The following CAMK1D variants were observed in gnomAD, a reference collection of about 807,000 sequenced individuals.
The protein encoded by CAMK1D is calcium/calmodulin dependent protein kinase ID.
A neutral mutation model predicts 47.7 loss-of-function variants in CAMK1D; 9 were observed. The ratio of observed to expected loss-of-function variants is 0.19; its 90% CI spans 0.11 to 0.33. The LOEUF is 0.33. Ranked by LOEUF, CAMK1D falls within the 10% of genes least tolerant of loss-of-function variation. The pLI is 1.00. For synonymous variants in CAMK1D, 184 were observed against 184.9 expected (o/e 0.99, Z 0.04); for missense variants, 291 against 488.7 (o/e 0.60, Z 3.81).
chr10:12,563,297 T>A (rs1475201013), intron 2 of CAMK1D, among the ~76,000 whole-genome samples: 1 of 152,098 alleles, frequency 6.6e-6, no homozygotes, highest in East Asian at 1.9e-4. Flanking sequence ...GAGGCTGCAG[T>A]GAGCTGTGAT....
At chr10:12,826,184 T>G (rs1019780993) in intron 10 of CAMK1D, 3 of 156,052 alleles carry the variant, frequency 1.9e-5, no homozygotes, top group African/African-American at 7.2e-5. Context: ...CCCTAGGTAT[T>G]GCTATTTCCA....
At chr10:12,618,176 A>G (rs778533050) in intron 2 of CAMK1D, among the ~76,000 whole-genome samples, 4 of 151,998 alleles carry the variant, frequency 2.6e-5, no homozygotes, top group African/African-American at 9.7e-5. Context: ...CTCATTTCCT[A>G]TTCCTGCCTC....
rs150583074 is a variant in CAMK1D, at chr10:12,367,050, G to A, written c.92+17140G>A. Among the ~76,000 whole-genome samples the A allele has an allele frequency of 3.8e-3, 572 of 152,170 alleles. 5 individuals are homozygous for A. Among genetic ancestry groups the A allele is most frequent in the African/African-American group, 0.013 (543 of 41,488 alleles). On this transcript the variant is annotated intron_variant, in intron 1 of 10. Transcript: ENST00000619168. The stretch of plus-strand genomic sequence containing the variant: ...TAAACACATCCCCAGAATCAGCAGC[G>A]GGACAGATCCTGTCGCCAAGATGAG...
intron 2 of CAMK1D, among the ~76,000 whole-genome samples, chr10:12,666,479 A>G (rs905086100): frequency 2.0e-5 from 3 of 152,212 alleles, no homozygotes; most frequent in Non-Finnish European, 4.4e-5. Context: ...TGGGATTCAC[A>G]TGAAGCAACA....
rs1588471838 is a variant in CAMK1D at position 12,425,303 on chromosome 10, A to G, written c.92+75393A>G. On this transcript the variant is annotated intron_variant, in intron 1 of 10. Transcript: ENST00000619168. ...TTCTTTCTTTTTTTTTTTTTTTGAG[A>G]CAGAGTCTTGCTCTGTCCCCCAGGC... 7.2e-5 allele frequency among the ~76,000 whole-genome samples: 8 copies of G among 111,880 alleles called. No homozygotes were observed. The South Asian group carries it at 2.2e-3, about 30-fold the overall frequency. The allele number at this position is 111,880 out of a possible 152,430, so 73.4% of individuals were successfully genotyped here.
chr10:12,641,757 C>T (rs747331304), intron 2 of CAMK1D, among the ~76,000 whole-genome samples: 17 of 152,012 alleles, frequency 1.1e-4, no homozygotes, highest in African/African-American at 2.7e-4. Context: ...AAGAAAAGGA[C>T]GCAGTGGGCA....
chr10:12,631,434 T>A (rs1839376254), intron 2 of CAMK1D, among the ~76,000 whole-genome samples: 1 of 152,228 alleles, frequency 6.6e-6, no homozygotes, highest in Non-Finnish European at 1.5e-5. Flanking sequence ...AACTTCCCTT[T>A]CTTTCTTTGT....
intron 6 of CAMK1D, among the ~76,000 whole-genome samples, chr10:12,802,616 G>C (rs1434738565): frequency 6.6e-6 from 1 of 152,150 alleles, no homozygotes; most frequent in Non-Finnish European, 1.5e-5. Context: ...CGCCTCCTGG[G>C]TTCAAGCAAT....
chr10:12,497,283 C>A (rs1376568869), intron 1 of CAMK1D, among the ~76,000 whole-genome samples: 2 of 151,950 alleles, frequency 1.3e-5, no homozygotes, highest in Non-Finnish European at 2.9e-5. Context: ...TTGAGACCTT[C>A]CTGGCCACCA....
At chr10:12,601,613 G>A (rs543122490) in intron 2 of CAMK1D, among the ~76,000 whole-genome samples, 107 of 152,198 alleles carry the variant, frequency 7.0e-4, no homozygotes, top group Admixed American at 1.4e-3. Context: ...ACAGGCACCC[G>A]CCACCACGTC....
intron 3 of CAMK1D, among the ~76,000 whole-genome samples, chr10:12,717,877 G>C (rs1385835426): frequency 7.4e-6 from 1 of 135,240 alleles, no homozygotes; most frequent in Non-Finnish European, 1.5e-5. Context: ...CTGGGCAACA[G>C]AGTGAGACCC....
chr10:12,529,875 T>C (rs1268279362), intron 1 of CAMK1D, among the ~76,000 whole-genome samples: 8 of 152,172 alleles, frequency 5.3e-5, no homozygotes, highest in Non-Finnish European at 1.5e-5. Flanking sequence ...TTGGCAAGAA[T>C]AGTTAAGAAG....
Position 12,784,176 on chromosome 10 carries a change from C to T in CAMK1D, c.566-6982C>T, listed in dbSNP as rs374223783. ...CCTTTGCCCCTAAACCTGGTAGACCCGAACTTCCTTGGAGAAAAGGTATTT... is the reference window on the plus strand; with the variant it reads ...CCTTTGCCCCTAAACCTGGTAGACCTGAACTTCCTTGGAGAAAAGGTATTT... On this transcript the variant is annotated intron_variant, in intron 5 of 10. Coordinates refer to ENST00000619168, the MANE Select transcript of CAMK1D (RefSeq NM_153498.4). Among the ~76,000 whole-genome samples, 114 of 150,944 alleles carry T rather than the reference C, an allele frequency of 7.6e-4. 2 individuals carry two copies. Among genetic ancestry groups the T allele is most frequent in the African/African-American group, 2.3e-3 (93 of 41,098 alleles).
intron 1 of CAMK1D, among the ~76,000 whole-genome samples, chr10:12,398,440 C>T (rs544635342): frequency 6.6e-5 from 10 of 152,278 alleles, no homozygotes; most frequent in South Asian, 4.1e-4. Flanking sequence ...CCGCTGCCTC[C>T]GGAGTTCGAG....
chr10:12,403,151 G>A (rs1839288437), intron 1 of CAMK1D, among the ~76,000 whole-genome samples: 2 of 152,208 alleles, frequency 1.3e-5, no homozygotes, highest in Non-Finnish European at 2.9e-5. Context: ...GAAGGCAGAA[G>A]CCCTAATGAT....
At chr10:12,589,031 T>A (rs536929813) in intron 2 of CAMK1D, among the ~76,000 whole-genome samples, 2 of 152,210 alleles carry the variant, frequency 1.3e-5, no homozygotes, top group South Asian at 4.1e-4. Context: ...AGACAGGGTC[T>A]TGCCCTGTCT....
At chr10:12,654,692 C>T (rs1840070084) in intron 2 of CAMK1D, among the ~76,000 whole-genome samples, 1 of 152,080 alleles carries the variant, frequency 6.6e-6, no homozygotes, top group Non-Finnish European at 1.5e-5. Flanking sequence ...AAATCTTTAT[C>T]CTTAGGACAC....
chr10:12,430,076 A>G lies in CAMK1D; in HGVS notation c.92+80166A>G, dbSNP rs181063431. On this transcript the variant is annotated intron_variant, in intron 1 of 10. Coordinates refer to ENST00000619168, the MANE Select transcript of CAMK1D (RefSeq NM_153498.4). ...TTTCCTCTGCTTCATGTTCTTTGTC[A>G]TACATAATGACAAAAACACTTACAT... Among the ~76,000 whole-genome samples, 362 of 151,972 alleles carry G rather than the reference A, an allele frequency of 2.4e-3. 2 individuals carry two copies. Among genetic ancestry groups the G allele is most frequent in the African/African-American group, 8.3e-3 (345 of 41,444 alleles).
At chr10:12,768,678 A>G (rs1253738544) in intron 4 of CAMK1D, among the ~76,000 whole-genome samples, 3 of 151,708 alleles carry the variant, frequency 2.0e-5, no homozygotes, top group Non-Finnish European at 4.4e-5. Context: ...TGATGAATCC[A>G]GGAGTCATCA....
Sources: allele counts gnomAD v4.1 joint callset (sites outside exome capture counted in the v4.1 genomes callset), GRCh38; gene constraint gnomAD v4.1.1; transcripts MANE v1.5; gene names NCBI Gene and HGNC (gene_info 2026-07-23, HGNC 2026-07-21).